The following KMT2B variants were observed in gnomAD, a reference collection of about 807,000 sequenced individuals.
The protein encoded by KMT2B is histone-lysine N-methyltransferase 2B.
A neutral mutation model predicts 255.3 loss-of-function variants in KMT2B; 22 were observed. That is an observed-to-expected ratio of 0.09 (90% CI 0.06 to 0.12). KMT2B has a LOEUF of 0.12. Among genes scored for constraint, KMT2B ranks in the 10% least tolerant of loss-of-function variants. The pLI, the probability that KMT2B is intolerant of heterozygous loss-of-function variation, is 1.00. For synonymous variants in KMT2B, 1,730 were observed against 1,498.1 expected (o/e 1.15, Z -3.57); for missense variants, 3,149 against 3,737.0 (o/e 0.84, Z 4.10).
rs1969498930 is a variant in KMT2B, at chr19:35,727,355, A to G, written c.4118-83A>G. On this transcript the variant is annotated intron_variant, in intron 15 of 36. Coordinates refer to ENST00000420124, the MANE Select transcript of KMT2B (RefSeq NM_014727.3). The surrounding 1 kb of genome is among the most constrained non-coding windows in gnomAD (Gnocchi z 4.2). ...CAGGCCCCAAGAGGACTGGTGGGCT[A>G]AGGGTCCTTGCTGGCCTAGGGGCTG... is the stretch of plus-strand genomic sequence containing the variant. 3 of 1,578,972 alleles carry G rather than the reference A, an allele frequency of 1.9e-6. No homozygotes were observed. In the South Asian group the frequency reaches 3.3e-5, roughly 17 times the overall value.
intron 19 of KMT2B, 57 bp from the exon 20 acceptor site, chr19:35,728,717 G>A (rs536707369): frequency 1.5e-6 from 2 of 1,363,144 alleles, no homozygotes; most frequent in East Asian, 2.4e-5. Context: ...TTGTGGATGG[G>A]CCCCCGTTCA....
At chr19:35,729,416 C>A in intron 22 of KMT2B, 120 bp downstream of exon 22, 1 of 1,352,890 alleles carries the variant, frequency 7.4e-7, no homozygotes, top group South Asian at 1.4e-5. Flanking sequence ...AGGCTGAGGT[C>A]TCTTGGTTGC....
rs530264397 is a variant in KMT2B at position 35,722,856 on chromosome 19, C to T, written c.2722+138C>T. ...TGGCAAGTGGGCTGGAGTGCTAGGTCCTAGAGCAACTTCATTTGGGGGCAC... is the reference window on the plus strand; with the variant it reads ...TGGCAAGTGGGCTGGAGTGCTAGGTTCTAGAGCAACTTCATTTGGGGGCAC... On this transcript the variant is annotated intron_variant, in intron 5 of 36. Coordinates refer to ENST00000420124, the MANE Select transcript of KMT2B (RefSeq NM_014727.3). 9 of 1,415,320 alleles carry T rather than the reference C, an allele frequency of 6.4e-6. No individual in the cohort carries two copies. In the Admixed American group the frequency reaches 8.2e-5, roughly 13 times the overall value. The allele number at this position is 1,415,320 out of a possible 1,614,324, so 87.7% of individuals were successfully genotyped here. A position where few individuals can be genotyped will look rare whatever the true frequency, so the allele number is the denominator to read the frequency against.
Position 35,733,291 on chromosome 19 carries a change from G to A in KMT2B, c.6742G>A (p.Val2248Met), listed in dbSNP as rs1441333649. Residue 2248 changes from valine to methionine, a missense_variant, in exon 28 of 37, where the codon GTG becomes ATG. This residue lies in a region of KMT2B where 897 missense variants were observed against 825.3 expected (regional missense o/e 1.09). Coordinates refer to ENST00000420124, the MANE Select transcript of KMT2B (RefSeq NM_014727.3). The surrounding 1 kb of genome is among the most constrained non-coding windows in gnomAD (Gnocchi z 4.3). ...PLLGVLPVVG[V>M]VRPAPPPPPP... ...CCTCGGCGTGCTGCCCGTGGTCGGA[G>A]TGGTCCGCCCTGCCCCGCCCCCGCC... 10 of 1,486,888 alleles carry A rather than the reference G, an allele frequency of 6.7e-6. No homozygotes were observed. In the Admixed American group the frequency reaches 1.6e-4, roughly 24 times the overall value. 92.1% of individuals were successfully genotyped at this position (1,486,888 alleles called of 1,614,324 possible). A position where few individuals can be genotyped will look rare whatever the true frequency, so the allele number is the denominator to read the frequency against.
In KMT2B at chr19:35,730,545, C is replaced by G; in HGVS notation, c.5205C>G (p.Ile1735Met). The G allele has an allele frequency of 6.2e-7, 1 of 1,614,042 alleles. No homozygotes were observed. The highest frequency in any genetic ancestry group is 8.5e-7 in the Non-Finnish European group (1 of 1,179,888). The stretch of plus-strand genomic sequence containing the variant: ...CTCCGCTTTGCACCACAGGTTCCAT[C>G]CGCATTGACTCCCTGGGTACTCTGT... ...PDAINVLIGSIRIDSLGTLSD... is the reference protein window; with the variant it reads ...PDAINVLIGSMRIDSLGTLSD... The change falls in exon 25 of 37, where the codon ATC (isoleucine) becomes ATG (methionine). Residue 1735 changes from isoleucine to methionine, a missense_variant. Transcript: ENST00000420124.
Position 35,737,767 on chromosome 19 carries a change from G to A in KMT2B, c.7658+24G>A, listed in dbSNP as rs527557462. Reference sequence around the variant, plus strand: ...AGGTATGGAGTGTGAGCTGGGGGGCGGGTGGTGGTCTGGAAGGGTCTTAGA... The same window carrying A: ...AGGTATGGAGTGTGAGCTGGGGGGCAGGTGGTGGTCTGGAAGGGTCTTAGA... On this transcript the variant is annotated intron_variant, in intron 34 of 36. Coordinates refer to ENST00000420124, the MANE Select transcript of KMT2B (RefSeq NM_014727.3). This position sits in a 1 kb window ranked among gnomAD's most constrained non-coding sequence, Gnocchi z 5.3. The A allele has an allele frequency of 1.5e-5, 23 of 1,554,186 alleles. No homozygotes were observed. The highest frequency in any genetic ancestry group is 2.4e-5 in the East Asian group (1 of 41,696).
At chr19:35,719,393 C>G in intron 1 of KMT2B, 76 bp from the exon 2 acceptor site, 1 of 1,071,820 alleles carries the variant, frequency 9.3e-7, no homozygotes, top group Non-Finnish European at 1.4e-6. Flanking sequence ...TGGGGATATT[C>G]CTCGATACCT....
Position 35,725,111 on chromosome 19 carries a change from C to A in KMT2B, c.3528+24C>A. 1 of 1,593,844 alleles carries A rather than the reference C, an allele frequency of 6.3e-7. No homozygotes were observed. Among genetic ancestry groups the A allele is most frequent in the South Asian group, 1.1e-5 (1 of 90,694 alleles). Reference sequence around the variant, plus strand: ...AGGTATGGCATTGAGTGGGGCGAGTCACAGAGCCTCTGGTTGGAAGAACCT... The same window carrying A: ...AGGTATGGCATTGAGTGGGGCGAGTAACAGAGCCTCTGGTTGGAAGAACCT... On this transcript the variant is annotated intron_variant, in intron 10 of 36. Coordinates refer to ENST00000420124, the MANE Select transcript of KMT2B (RefSeq NM_014727.3). This position sits in a 1 kb window ranked among gnomAD's most constrained non-coding sequence, Gnocchi z 4.1.
chr19:35,728,251 A>G, intron 19 of KMT2B, 80 bp downstream of exon 19: 1 of 1,266,258 alleles, frequency 7.9e-7, no homozygotes, highest in Non-Finnish European at 1.1e-6. Context: ...CTGGGCTGAG[A>G]AGAGATGAGC....
At position 35,732,093 on chromosome 19, in the gene KMT2B, A is replaced by T. The variant is rs368329197; in HGVS notation, c.5623A>T (p.Arg1875Trp). ...IKVPNYSPSR[R>W]PLGGVSFGPL... ...AGTGCCCAACTACTCGCCATCCCGG[A>T]GGCCCTTGGGGGGTGTCTCCTTTGG... The change falls in exon 27 of 37, where the codon AGG (arginine) becomes TGG (tryptophan). Residue 1875 changes from arginine to tryptophan, a missense_variant. Physicochemically the swap from Arg to Trp is moderately radical, Grantham distance 101. Transcript: ENST00000420124. 1.9e-6 allele frequency: 3 copies of T among 1,605,468 alleles called. No individual in the cohort carries two copies. Among genetic ancestry groups the T allele is most frequent in the Non-Finnish European group, 2.6e-6 (3 of 1,176,364 alleles).
At position 35,737,379 on chromosome 19, in the gene KMT2B, TGAA is replaced by T. The variant is rs1266038701; in HGVS notation, c.7550+119_7550+121del. The T allele has an allele frequency of 3.5e-6, 4 of 1,131,202 alleles. No homozygotes were observed. Among genetic ancestry groups the T allele is most frequent in the South Asian group, 1.7e-5 (1 of 59,762 alleles). 70.1% of individuals were successfully genotyped at this position (1,131,202 alleles called of 1,614,324 possible). On this transcript the variant is annotated intron_variant, in intron 33 of 36. Transcript: ENST00000420124. This position sits in a 1 kb window ranked among gnomAD's most constrained non-coding sequence, Gnocchi z 5.3. ...CCTGGGGAGGAGACACTAGGTCACTTGAAGAGTTATTTCTAGAGTTAGCCAGGC... is the reference window on the plus strand; with the variant it reads ...CCTGGGGAGGAGACACTAGGTCACTTGAGTTATTTCTAGAGTTAGCCAGGC...
intron 3 of KMT2B, 120 bp downstream of exon 3, chr19:35,721,924 C>G: frequency 7.5e-7 from 1 of 1,338,292 alleles, no homozygotes; most frequent in Non-Finnish European, 9.9e-7. Context: ...TCAGAACCTG[C>G]CTTTCTGTGA....
Position 35,738,042 on chromosome 19 carries a change from C to T in KMT2B, c.7743-20C>T, listed in dbSNP as rs1260285397. The T allele has an allele frequency of 3.1e-6, 5 of 1,613,864 alleles. No individual in the cohort carries two copies. The South Asian group carries it at 3.3e-5, about 11-fold the overall frequency. ...TCTGTCCCCCTCCCCCCTGAGTTCC[C>T]TGTTCATCCTGCCCTGCAGATCAGC... On this transcript the variant is annotated intron_variant, in intron 35 of 36. Coordinates refer to ENST00000420124, the MANE Select transcript of KMT2B (RefSeq NM_014727.3). The surrounding 1 kb of genome is among the most constrained non-coding windows in gnomAD (Gnocchi z 8.7).
chr19:35,729,080 A>C lies in KMT2B; in HGVS notation c.4779+4A>C, dbSNP rs971149268. ...ATACGGGGATGCAGACTCCAAGGTG[A>C]GGGCTGCTCTGTGACGCACCAGGTT... On this transcript the variant is annotated splice_donor_region_variant and intron_variant, in intron 21 of 36. Transcript: ENST00000420124. 5 of 1,613,824 alleles carry C rather than the reference A, an allele frequency of 3.1e-6. No homozygotes were observed. The African/African-American group carries it at 6.7e-5, about 22-fold the overall frequency.
chr19:35,728,015 G>C (rs1485857586), intron 18 of KMT2B, 30 bp downstream of exon 18: 9 of 1,546,592 alleles, frequency 5.8e-6, no homozygotes, highest in African/African-American at 1.4e-5. Context: ...CTTGTGGGGT[G>C]GGGGAGTGGG....
Position 35,719,489 on chromosome 19 carries a change from A to T in KMT2B, c.384A>T (p.Ser128=). The stretch of plus-strand genomic sequence containing the variant: ...ATCAGGAGTTTCAGGGTTTTCATTC[A>T]GATGAAGATGTGGCCCCCAGTTCCC... The part of the protein sequence containing the change: ...SDEEEFQGFH[S]DEDVAPSSLR... Residue 128 remains serine (S), a synonymous_variant, in exon 2 of 37, where the codon TCA becomes TCT. Transcript: ENST00000420124. 1 of 1,588,350 alleles carries T rather than the reference A, an allele frequency of 6.3e-7. No individual in the cohort carries two copies. Among genetic ancestry groups the T allele is most frequent in the South Asian group, 1.1e-5 (1 of 87,034 alleles).
intron 19 of KMT2B, 95 bp from the exon 20 acceptor site, chr19:35,728,679 G>A: frequency 1.2e-6 from 1 of 833,370 alleles, no homozygotes. Context: ...AGAGGGAGTA[G>A]CGGGTGTCAT....
Position 35,729,243 on chromosome 19 carries a change from A to T in KMT2B, c.4864A>T (p.Asn1622Tyr). Residue 1622 changes from asparagine to tyrosine, a missense_variant, in exon 22 of 37, where the codon AAC (asparagine) becomes TAC (tyrosine). This residue lies in a region of KMT2B where 14 missense variants were observed against 16.7 expected (regional missense o/e 0.84). Coordinates refer to ENST00000420124, the MANE Select transcript of KMT2B (RefSeq NM_014727.3). ...CTGGTCGGCGGAAGTCTTCGAGGAG[A>T]ACGACGGCTCCCTCAAGAATGTGCA... ...AIWSAEVFEENDGSLKNVHAA... is the reference protein window; with the variant it reads ...AIWSAEVFEEYDGSLKNVHAA... 6.2e-7 allele frequency: 1 copy of T among 1,606,780 alleles called. No individual in the cohort carries two copies. The highest frequency in any genetic ancestry group is 8.5e-7 in the Non-Finnish European group (1 of 1,176,674).
At position 35,720,106 on chromosome 19, in the gene KMT2B, A is replaced by C; in HGVS notation, c.759A>C (p.Pro253=). 1 of 1,598,692 alleles carries C rather than the reference A, an allele frequency of 6.3e-7. No individual in the cohort carries two copies. The highest frequency in any genetic ancestry group is 8.5e-7 in the Non-Finnish European group (1 of 1,172,864). The part of the protein sequence containing the change: ...AAVTIPKPEP[P]PPVVPVKHQT... ...TGACAATCCCCAAACCTGAGCCCCCACCTCCTGTGGTTCCAGTGAAACATC... is the reference window on the plus strand; with the variant it reads ...TGACAATCCCCAAACCTGAGCCCCCCCCTCCTGTGGTTCCAGTGAAACATC... The change falls in exon 3 of 37, where the codon CCA becomes CCC. Residue 253 remains proline, a synonymous_variant. Coordinates refer to ENST00000420124, the MANE Select transcript of KMT2B (RefSeq NM_014727.3).
Sources: allele counts gnomAD v4.1 joint callset, GRCh38; gene constraint gnomAD v4.1.1; regional missense constraint gnomAD v4.1.1; non-coding constraint Gnocchi (gnomAD v3.1); transcripts MANE v1.5; gene names NCBI Gene and HGNC (gene_info 2026-07-23, HGNC 2026-07-21).